Variants in CADPS observed in about 807,000 individuals in gnomAD.
CADPS encodes the protein calcium dependent secretion activator, also known as calcium-dependent secretion activator 1.
CADPS carries 57 observed loss-of-function variants against 167.3 expected under a neutral mutation model. That is an observed-to-expected ratio of 0.34 (90% confidence interval 0.28 to 0.42). The LOEUF is 0.42. CADPS is among the 20% of genes least tolerant of loss of function. The pLI is 1.00. For synonymous variants in CADPS, 676 were observed against 635.3 expected (o/e 1.06, Z -0.96); for missense variants, 1,414 against 1,738.1 (o/e 0.81, Z 3.32).
At chr3:62,703,128 CTT>C (rs2081718653) in intron 3 of CADPS, among the ~76,000 whole-genome samples, 2 of 152,108 alleles carry the variant, frequency 1.3e-5, no homozygotes, top group South Asian at 2.1e-4. Context: ...TTATTAAAAA[CTT>C]GTGAGATTTT....
chr3:62,777,249 A>T (rs1423292151), intron 1 of CADPS, among the ~76,000 whole-genome samples: 1 of 146,582 alleles, frequency 6.8e-6, no homozygotes, highest in African/African-American at 2.5e-5. Flanking sequence ...TGTACAGGTT[A>T]TATGTGACGC....
chr3:62,626,648 A>G, intron 6 of CADPS: 1 of 689,052 alleles, frequency 1.5e-6, no homozygotes, highest in South Asian at 1.5e-5. Context: ...AAAGAAGGCA[A>G]TTTTGTTGAC....
chr3:62,605,785 T>A (rs138339022), intron 6 of CADPS, among the ~76,000 whole-genome samples: 1 of 152,292 alleles, frequency 6.6e-6, no homozygotes, highest in East Asian at 1.9e-4. Context: ...ATCCTAAAAG[T>A]GTGGTGATAA....
At chr3:62,694,755 T>C (rs529410416) in intron 3 of CADPS, among the ~76,000 whole-genome samples, 4 of 152,146 alleles carry the variant, frequency 2.6e-5, no homozygotes, top group African/African-American at 9.6e-5. Flanking sequence ...TCCTTACCCA[T>C]ACCCCAGTAT....
chr3:62,624,335 C>A (rs899922964), intron 6 of CADPS, among the ~76,000 whole-genome samples: 4 of 152,090 alleles, frequency 2.6e-5, no homozygotes, highest in Non-Finnish European at 4.4e-5. Flanking sequence ...TCATTCCCAT[C>A]CCAGTGTATT....
At chr3:62,864,423 A>G (rs912362001) in intron 1 of CADPS, among the ~76,000 whole-genome samples, 4 of 152,212 alleles carry the variant, frequency 2.6e-5, no homozygotes, top group Admixed American at 1.3e-4. Flanking sequence ...CCAACTGGGT[A>G]GCTTGAGCAA....
rs544551576 is a variant in CADPS, at chr3:62,632,418, A to G, written c.1325+13304T>C. On this transcript the variant is annotated intron_variant, in intron 6 of 29. Transcript: ENST00000383710. ...CTTATACAAAATAGTTACCAAATAA[A>G]TATTATTTGAAGTGTATGCACAAAG... 4.5e-4 allele frequency among the ~76,000 whole-genome samples: 69 copies of G among 152,312 alleles called. 3 individuals are homozygous for G. In the South Asian group the frequency reaches 0.014, roughly 30 times the overall value.
chr3:62,622,628 T>A (rs193004141), intron 6 of CADPS, among the ~76,000 whole-genome samples: 3 of 152,280 alleles, frequency 2.0e-5, no homozygotes, highest in East Asian at 3.9e-4. Context: ...TCTTTTATAA[T>A]TCTATGTTGT....
At chr3:62,709,471 T>C (rs965264538) in intron 3 of CADPS, among the ~76,000 whole-genome samples, 3 of 152,196 alleles carry the variant, frequency 2.0e-5, no homozygotes, top group Admixed American at 6.5e-5. Flanking sequence ...TTTTCTTTAG[T>C]ACATACCCTT....
At chr3:62,576,466 T>C (rs1175173921) in intron 8 of CADPS, among the ~76,000 whole-genome samples, 1 of 151,970 alleles carries the variant, frequency 6.6e-6, no homozygotes, top group Non-Finnish European at 1.5e-5. Flanking sequence ...AGTATTATTG[T>C]TATTGTTGTT....
At chr3:62,542,367 G>C (rs1440260140) in intron 11 of CADPS, among the ~76,000 whole-genome samples, 2 of 152,082 alleles carry the variant, frequency 1.3e-5, no homozygotes, top group African/African-American at 2.4e-5. Flanking sequence ...CAGTACAAGA[G>C]TGAATGTATG....
intron 17 of CADPS, among the ~76,000 whole-genome samples, chr3:62,501,150 G>A (rs993547137): frequency 9.2e-5 from 14 of 152,190 alleles, no homozygotes; most frequent in African/African-American, 2.9e-4. Flanking sequence ...ATGTGGATTA[G>A]GCAGAGAACA....
At chr3:62,831,180 T>C (rs1219934678) in intron 1 of CADPS, among the ~76,000 whole-genome samples, 2 of 152,204 alleles carry the variant, frequency 1.3e-5, no homozygotes, top group Non-Finnish European at 2.9e-5. Flanking sequence ...TAACATCTCT[T>C]GTGTGCTGTA....
At chr3:62,471,361 G>T (rs2060591512) in intron 24 of CADPS, among the ~76,000 whole-genome samples, 1 of 152,162 alleles carries the variant, frequency 6.6e-6, no homozygotes, top group African/African-American at 2.4e-5. Context: ...GGGGTCTATG[G>T]TTTGGTCAAG....
chr3:62,658,655 T>C (rs1166163717), intron 4 of CADPS, among the ~76,000 whole-genome samples: 1 of 152,194 alleles, frequency 6.6e-6, no homozygotes, highest in Non-Finnish European at 1.5e-5. Flanking sequence ...TAGTTATTAC[T>C]ATTGGGTACA....
chr3:62,448,452 C>T (rs12639116), intron 26 of CADPS, among the ~76,000 whole-genome samples: 13,261 of 152,116 alleles, frequency 0.087, 788 homozygotes, highest in South Asian at 0.17. Flanking sequence ...CACCAGCCCT[C>T]GGTTTGTTAG....
rs67868132 is a variant in CADPS at position 62,721,118 on chromosome 3, G to GT, written c.888+32322dup. Among the ~76,000 whole-genome samples the GT allele has an allele frequency of 6.6e-3, 800 of 120,310 alleles. 7 individuals are homozygous for GT. The highest frequency in any genetic ancestry group is 0.024 in the African/African-American group (707 of 29,624). The allele number at this position is 120,310 out of a possible 152,430, so 78.9% of individuals were successfully genotyped here. Reference sequence around the variant, plus strand: ...AGGTGTGAGCCACCGTGCCCGGCAGGTTTTTTTTTTTTTTTTAAAAAAAAA... The same window carrying GT: ...AGGTGTGAGCCACCGTGCCCGGCAGGTTTTTTTTTTTTTTTTTAAAAAAAAA... On this transcript the variant is annotated intron_variant, in intron 3 of 29. Coordinates refer to ENST00000383710, the MANE Select transcript of CADPS (RefSeq NM_003716.4).
chr3:62,411,458 C>T (rs2048943800), intron 28 of CADPS, among the ~76,000 whole-genome samples: 1 of 152,200 alleles, frequency 6.6e-6, no homozygotes, highest in African/African-American at 2.4e-5. Flanking sequence ...GAAAAAACCC[C>T]TACAACCTAT....
chr3:62,582,046 A>T (rs1301883893), intron 8 of CADPS, among the ~76,000 whole-genome samples: 1 of 152,252 alleles, frequency 6.6e-6, no homozygotes, highest in Non-Finnish European at 1.5e-5. Context: ...TCAAAGAACC[A>T]CAGTGCACAC....
Sources: gnomAD v4.1 joint callset for allele counts (sites outside exome capture counted in the v4.1 genomes callset) on GRCh38, gnomAD v4.1.1 for gene constraint, MANE v1.5 for transcripts, NCBI Gene and HGNC (gene_info 2026-07-23, HGNC 2026-07-21) for gene names.